Variants in MAP3K2 observed in about 807,000 individuals in gnomAD.
MAP3K2 encodes the protein MAP/ERK kinase kinase 2.
MAP3K2 carries 24 observed loss-of-function variants against 80.3 expected under a neutral mutation model. The observed-to-expected ratio is 0.30, with a 90% CI of 0.22 to 0.42. MAP3K2 has a LOEUF of 0.42. Ranked by LOEUF, MAP3K2 falls within the 10% of genes least tolerant of loss-of-function variation. The probability of loss-of-function intolerance (pLI) is 1.00; values close to 1 mark genes in which losing one functional copy is unlikely to be tolerated. For synonymous variants in MAP3K2, 244 were observed against 253.7 expected, an observed-to-expected ratio of 0.96 and a Z score of 0.36; for missense variants, 608 against 750.1, an observed-to-expected ratio of 0.81 and a Z score of 2.21.
intron 14 of MAP3K2, chr2:127,317,008 A>C (rs1288812874): frequency 6.6e-6 from 1 of 152,090 alleles, no homozygotes; most frequent in Non-Finnish European, 1.5e-5. Context: ...AAACAAAAAA[A>C]CAAAATCCAC....
chr2:127,339,006 G>A lies in MAP3K2; in HGVS notation c.49C>T (p.Leu17Phe). ...LNSIMQDLAVLHKASRPALSL... is the reference protein window; with the variant it reads ...LNSIMQDLAVFHKASRPALSL... ...AATGCTGGTCGACTGGCCTTATGAA[G>A]GACAGCCAAATCTTGCATGATTGAG... Residue 17 changes from leucine (L) to phenylalanine (F), a missense_variant, in exon 3 of 17, where the codon CTT becomes TTT. Coordinates refer to ENST00000682094, the MANE Select transcript of MAP3K2 (RefSeq NM_001371910.2). The surrounding 1 kb of genome is among the most constrained non-coding windows in gnomAD (Gnocchi z 4.2). 1 of 1,612,592 alleles carries A rather than the reference G, an allele frequency of 6.2e-7. No individual in the cohort carries two copies. The highest frequency in any genetic ancestry group is 8.5e-7 in the Non-Finnish European group (1 of 1,179,284).
chr2:127,318,093 G>C, intron 13 of MAP3K2, 76 bp downstream of exon 13: 2 of 1,127,266 alleles, frequency 1.8e-6, no homozygotes, highest in Admixed American at 6.0e-5. Flanking sequence ...TAGAATGGAA[G>C]GGGCTTAATG....
chr2:127,355,800 A>G (rs1686786970), intron 1 of MAP3K2, among the ~76,000 whole-genome samples: 1 of 152,188 alleles, frequency 6.6e-6, no homozygotes, highest in South Asian at 2.1e-4. Flanking sequence ...ATAAAATTTT[A>G]CCCACCATAG....
chr2:127,325,068 A>G (rs1374077988), intron 9 of MAP3K2, among the ~76,000 whole-genome samples: 2 of 152,236 alleles, frequency 1.3e-5, no homozygotes, highest in African/African-American at 2.4e-5. Context: ...AAAACCAAAC[A>G]TATTAATGTA....
chr2:127,328,971 G>T (rs1411471817), intron 7 of MAP3K2, among the ~76,000 whole-genome samples: 5 of 152,078 alleles, frequency 3.3e-5, no homozygotes, highest in East Asian at 1.9e-4. Context: ...TATACCAGCG[G>T]TTTTTTGAAA....
At chr2:127,384,121 T>A (rs546523056) in intron 1 of MAP3K2, among the ~76,000 whole-genome samples, 1 of 151,544 alleles carries the variant, frequency 6.6e-6, no homozygotes, top group Non-Finnish European at 1.5e-5. Context: ...GGTCTTGATC[T>A]CCTGACCTCG....
intron 1 of MAP3K2, among the ~76,000 whole-genome samples, chr2:127,374,752 A>C (rs1011768957): frequency 6.6e-6 from 1 of 152,204 alleles, no homozygotes; most frequent in South Asian, 2.1e-4. Context: ...TTTTGCATTT[A>C]TGGGACGGCC....
chr2:127,361,637 T>C (rs1371715404), intron 1 of MAP3K2, among the ~76,000 whole-genome samples: 3 of 152,226 alleles, frequency 2.0e-5, no homozygotes, highest in African/African-American at 7.2e-5. Context: ...TGGGATGTAT[T>C]TGCTTCCTTT....
intron 7 of MAP3K2, among the ~76,000 whole-genome samples, chr2:127,327,502 T>A (rs986726126): frequency 1.3e-5 from 2 of 152,058 alleles, no homozygotes. Flanking sequence ...AATATTTTTA[T>A]TCCTTCCATA....
At chr2:127,386,469 A>C (rs552495634) in intron 1 of MAP3K2, among the ~76,000 whole-genome samples, 4 of 152,360 alleles carry the variant, frequency 2.6e-5, no homozygotes, top group African/African-American at 9.6e-5. Context: ...ATCCAGCAAC[A>C]AATTTTGCAA....
rs368786699 is a variant in MAP3K2, at chr2:127,380,612, A to C, written c.-66+6840T>G. ...AAGGCAAGGTATAAACAACAACAAC[A>C]AAGTAAGAGTTAAGACCTAATCTTA... is the stretch of plus-strand genomic sequence containing the variant. On this transcript the variant is annotated intron_variant, in intron 1 of 16. Coordinates refer to ENST00000682094, the MANE Select transcript of MAP3K2 (RefSeq NM_001371910.2). Among the ~76,000 whole-genome samples, 6 of 152,334 alleles carry C rather than the reference A, an allele frequency of 3.9e-5. No individual in the cohort carries two copies. In the South Asian group the frequency reaches 1.2e-3, roughly 32 times the overall value.
chr2:127,352,391 C>A (rs944690174), intron 1 of MAP3K2, among the ~76,000 whole-genome samples: 1 of 152,174 alleles, frequency 6.6e-6, no homozygotes, highest in South Asian at 2.1e-4. Flanking sequence ...CCATTCTTCA[C>A]CCCACTTCCC....
At chr2:127,374,850 A>G (rs1296706545) in intron 1 of MAP3K2, among the ~76,000 whole-genome samples, 1 of 152,204 alleles carries the variant, frequency 6.6e-6, no homozygotes, top group Non-Finnish European at 1.5e-5. Flanking sequence ...AACATTCCAC[A>G]GGCATCCCGT....
At chr2:127,371,216 T>G (rs1317873281) in intron 1 of MAP3K2, among the ~76,000 whole-genome samples, 1 of 152,158 alleles carries the variant, frequency 6.6e-6, no homozygotes, top group Non-Finnish European at 1.5e-5. Context: ...GGCCAGCCAG[T>G]ACCTCCTCTA....
At position 127,304,455 on chromosome 2, in the gene MAP3K2, A is replaced by G. The variant is rs1207300713; in HGVS notation, c.*3124T>C. The G allele has an allele frequency of 2.6e-5, 4 of 152,162 alleles. No individual in the cohort carries two copies. Among genetic ancestry groups the G allele is most frequent in the Admixed American group, 6.5e-5 (1 of 15,268 alleles). 9.4% of individuals were successfully genotyped at this position (152,162 alleles called of 1,614,324 possible). A position where few individuals can be genotyped will look rare whatever the true frequency, so the allele number is the denominator to read the frequency against. The stretch of plus-strand genomic sequence containing the variant: ...CTCTCAAGGCCTTAAGTAGAAAGAT[A>G]TTTCCTGAAAAGCACATATAAGACT... On this transcript the variant is annotated 3_prime_UTR_variant, in exon 17 of 17. Transcript: ENST00000682094.
At chr2:127,379,349 C>T (rs972559163) in intron 1 of MAP3K2, among the ~76,000 whole-genome samples, 2 of 152,128 alleles carry the variant, frequency 1.3e-5, no homozygotes, top group African/African-American at 4.8e-5. Flanking sequence ...CCGTCCTAAA[C>T]ATATTATCTC....
rs1477092329 is a variant in MAP3K2 at position 127,302,935 on chromosome 2, G to A, written c.*4644C>T. 1.3e-5 allele frequency: 2 copies of A among 151,864 alleles called. No individual in the cohort carries two copies. The highest frequency in any genetic ancestry group is 2.9e-5 in the Non-Finnish European group (2 of 68,000). 9.4% of individuals were successfully genotyped at this position (151,864 alleles called of 1,614,324 possible). A position where few individuals can be genotyped will look rare whatever the true frequency, so the allele number is the denominator to read the frequency against. ...GGTAGAAAAGGGTAGGAGGAGGCAG[G>A]CATTAAGAAACATTTAAGGACCAAT... is the stretch of plus-strand genomic sequence containing the variant. On this transcript the variant is annotated 3_prime_UTR_variant, in exon 17 of 17. Coordinates refer to ENST00000682094, the MANE Select transcript of MAP3K2 (RefSeq NM_001371910.2).
At chr2:127,366,442 T>A (rs1686973744) in intron 1 of MAP3K2, among the ~76,000 whole-genome samples, 1 of 150,154 alleles carries the variant, frequency 6.7e-6, no homozygotes, top group Admixed American at 6.6e-5. Context: ...AGGATACGTG[T>A]ATGCTTTAGT....
At chr2:127,377,636 C>T (rs952142984) in intron 1 of MAP3K2, among the ~76,000 whole-genome samples, 3 of 151,994 alleles carry the variant, frequency 2.0e-5, no homozygotes, top group Admixed American at 2.0e-4. Context: ...ATATGATATA[C>T]CATAGTTATT....
Sources: allele counts gnomAD v4.1 joint callset (sites outside exome capture counted in the v4.1 genomes callset), GRCh38; gene constraint gnomAD v4.1.1; non-coding constraint Gnocchi (gnomAD v3.1); transcripts MANE v1.5; gene names NCBI Gene and HGNC (gene_info 2026-07-23, HGNC 2026-07-21).